Variants in PLXNC1 observed in about 807,000 individuals in gnomAD.
PLXNC1 encodes plexin-C1.
Under a neutral mutation model 178.2 loss-of-function variants are expected in PLXNC1, and 75 were observed. The observed-to-expected ratio is 0.42, with a 90% confidence interval of 0.35 to 0.51. PLXNC1 has a LOEUF of 0.51. PLXNC1 is among the 20% of genes least tolerant of loss of function. The pLI, the probability that PLXNC1 is intolerant of heterozygous loss-of-function variation, is 0.02. For missense variants in PLXNC1, 1,503 were observed against 1,984.4 expected (o/e 0.76, Z 4.61); for synonymous variants, 790 against 779.9 (o/e 1.01, Z -0.22).
chr12:94,171,026 G>T (rs889550523), intron 2 of PLXNC1, among the ~76,000 whole-genome samples: 3 of 152,146 alleles, frequency 2.0e-5, no homozygotes, highest in Non-Finnish European at 2.9e-5. Flanking sequence ...TGAGTGTTTT[G>T]ACAAGAACAC....
At chr12:94,170,447 C>CT (rs1481124429) in intron 2 of PLXNC1, among the ~76,000 whole-genome samples, 1 of 152,070 alleles carries the variant, frequency 6.6e-6, no homozygotes, top group Non-Finnish European at 1.5e-5. Context: ...ATGCTTTTTT[C>CT]TTTTTTCTCT....
chr12:94,226,440 G>A (rs1963941012), intron 7 of PLXNC1, 165 bp from the exon 8 acceptor site: 1 of 559,678 alleles, frequency 1.8e-6, no homozygotes, highest in Admixed American at 3.1e-5. Flanking sequence ...TCAACCTGAG[G>A]GCTTCCAAGA....
At position 94,292,232 on chromosome 12, in the gene PLXNC1, A is replaced by G. The variant is rs926657510; in HGVS notation, c.3880-2254A>G. ...GATTCTATTTATATGATACCCAAGA[A>G]CAGGCAAAATTCATAAATGGTGATG... On this transcript the variant is annotated intron_variant, in intron 23 of 30. Coordinates refer to ENST00000258526, the MANE Select transcript of PLXNC1 (RefSeq NM_005761.3). Among the ~76,000 whole-genome samples the G allele has an allele frequency of 2.0e-5, 3 of 152,226 alleles. No homozygotes were observed. In the East Asian group the frequency reaches 5.8e-4, roughly 29 times the overall value.
intron 2 of PLXNC1, among the ~76,000 whole-genome samples, chr12:94,177,557 G>C (rs1962149886): frequency 6.6e-6 from 1 of 151,566 alleles, no homozygotes; most frequent in Admixed American, 6.6e-5. Context: ...GAAAGAAAAA[G>C]AAAGAGAGAG....
chr12:94,289,658 C>CA (rs1032967915), intron 23 of PLXNC1, among the ~76,000 whole-genome samples: 1 of 152,102 alleles, frequency 6.6e-6, no homozygotes, highest in Non-Finnish European at 1.5e-5. Flanking sequence ...GGGCACTTTT[C>CA]AAAAAGGCAT....
chr12:94,287,854 ACTGTTCTAGGG>A (rs1966872718), intron 23 of PLXNC1, among the ~76,000 whole-genome samples: 1 of 152,166 alleles, frequency 6.6e-6, no homozygotes, highest in Non-Finnish European at 1.5e-5. Context: ...TGTACTGGGT[ACTGTTCTAGGG>A]CTTTGACCAA....
chr12:94,165,796 T>C (rs983338838), intron 1 of PLXNC1, among the ~76,000 whole-genome samples: 2 of 152,062 alleles, frequency 1.3e-5, no homozygotes, highest in Non-Finnish European at 2.9e-5. Flanking sequence ...AGCATGTTGC[T>C]TTGTATCCTT....
intron 14 of PLXNC1, among the ~76,000 whole-genome samples, chr12:94,249,014 G>A (rs1001976668): frequency 6.6e-6 from 1 of 151,976 alleles, no homozygotes; most frequent in Non-Finnish European, 1.5e-5. Context: ...TAGTATTCAT[G>A]CCGTATGAGG....
In PLXNC1 at chr12:94,275,620, G is replaced by A. The variant is rs567711767; in HGVS notation, c.3598-3852G>A. Reference sequence around the variant, plus strand: ...TGTAATCCCAGCACTTTGGGAGGCCGAGGCGGGCGGATCACGAGGTCAGGA... The same window carrying A: ...TGTAATCCCAGCACTTTGGGAGGCCAAGGCGGGCGGATCACGAGGTCAGGA... On this transcript the variant is annotated intron_variant, in intron 21 of 30. Transcript: ENST00000258526. Among the ~76,000 whole-genome samples the A allele has an allele frequency of 4.9e-4, 42 of 86,336 alleles. 8 individuals carry two copies. The highest frequency in any genetic ancestry group is 6.3e-3 in the Middle Eastern group (1 of 158). 56.6% of individuals were successfully genotyped at this position (86,336 alleles called of 152,430 possible).
At chr12:94,294,680 T>C in intron 24 of PLXNC1, 140 bp downstream of exon 24, 1 of 565,406 alleles carries the variant, frequency 1.8e-6, no homozygotes, top group East Asian at 3.0e-5. Flanking sequence ...AAAAGTCATT[T>C]TGATCTCTTT....
intron 24 of PLXNC1, 117 bp from the exon 25 acceptor site, chr12:94,297,072 A>C: frequency 1.0e-6 from 1 of 962,156 alleles, no homozygotes; most frequent in Non-Finnish European, 1.6e-6. Context: ...GCTCAAGTCA[A>C]AAAGCTCAAG....
chr12:94,194,106 G>A (rs1383261026), intron 4 of PLXNC1, among the ~76,000 whole-genome samples: 15 of 152,096 alleles, frequency 9.9e-5, no homozygotes, highest in Non-Finnish European at 1.3e-4. Flanking sequence ...GGAAAGCAGG[G>A]CACGTCTTAC....
chr12:94,265,207 T>C lies in PLXNC1; in HGVS notation c.3579T>C (p.Val1193=). 1 of 1,612,090 alleles carries C rather than the reference T, an allele frequency of 6.2e-7. No homozygotes were observed. The highest frequency in any genetic ancestry group is 8.5e-7 in the Non-Finnish European group (1 of 1,178,378). ...ATGAAGACTGGCTGTTGTGGCAGGT[T>C]CCGGAATTCAGTACTGTGGTATGTT... The part of the protein sequence containing the change: ...TLNEDWLLWQ[V]PEFSTVALNV... The change falls in exon 21 of 31, where the codon GTT becomes GTC. Residue 1193 remains valine (V), a synonymous_variant. Transcript: ENST00000258526.
At chr12:94,248,506 T>C (rs1964592367) in intron 14 of PLXNC1, 94 bp downstream of exon 14, 4 of 960,564 alleles carry the variant, frequency 4.2e-6, no homozygotes, top group Non-Finnish European at 6.3e-6. Context: ...CTTTCATGGA[T>C]CTTCAGATCC....
intron 7 of PLXNC1, 72 bp from the exon 8 acceptor site, chr12:94,226,533 C>A: frequency 8.1e-6 from 8 of 983,532 alleles, no homozygotes; most frequent in South Asian, 2.6e-5. Flanking sequence ...CATGCCACAT[C>A]ACAGAGGGAA....
At chr12:94,152,078 T>G (rs1960980842) in intron 1 of PLXNC1, among the ~76,000 whole-genome samples, 1 of 152,204 alleles carries the variant, frequency 6.6e-6, no homozygotes, top group Non-Finnish European at 1.5e-5. Flanking sequence ...AGCTGTGTGT[T>G]CTGAAAGACA....
chr12:94,150,061 A>T (rs1168305604), intron 1 of PLXNC1, 28 bp downstream of exon 1: 1 of 1,522,072 alleles, frequency 6.6e-7, no homozygotes, highest in Non-Finnish European at 8.8e-7. Flanking sequence ...GGCGCCGCGG[A>T]GAGCGCTGCT....
intron 4 of PLXNC1, among the ~76,000 whole-genome samples, chr12:94,188,323 C>CTTTTT (rs141025919): frequency 2.3e-5 from 3 of 127,796 alleles, no homozygotes; most frequent in African/African-American, 2.9e-5. Flanking sequence ...TCTTTTTGTC[C>CTTTTT]TTTTTTTTTT....
intron 23 of PLXNC1, among the ~76,000 whole-genome samples, chr12:94,286,006 G>T (rs1966821156): frequency 6.6e-6 from 1 of 152,226 alleles, no homozygotes; most frequent in African/African-American, 2.4e-5. Flanking sequence ...CCAGCAGGGA[G>T]AATGAAGAAC....
Sources: allele counts gnomAD v4.1 joint callset (sites outside exome capture counted in the v4.1 genomes callset), GRCh38; gene constraint gnomAD v4.1.1; transcripts MANE v1.5; gene names NCBI Gene and HGNC (gene_info 2026-07-23, HGNC 2026-07-21).